Variants in DYM observed in about 807,000 individuals in gnomAD.
DYM encodes dyggve-Melchior-Clausen syndrome protein.
Under a neutral mutation model 93.1 loss-of-function variants are expected in DYM, and 78 were observed. That is an observed-to-expected ratio of 0.84 (90% CI 0.70 to 1.01). The LOEUF is 1.01. Ranked by LOEUF, DYM falls within the 50% of genes least tolerant of loss-of-function variation. The pLI, the probability that DYM is intolerant of heterozygous loss-of-function variation, is 0.00. For missense variants in DYM, 789 were observed against 845.0 expected, an observed-to-expected ratio of 0.93 and a Z score of 0.82; for synonymous variants, 321 against 319.7, an observed-to-expected ratio of 1.00 and a Z score of -0.04.
In DYM at chr18:49,209,716, CTG is replaced by C. The variant is rs1289959415; in HGVS notation, c.1461-3_1461-2del. On this transcript the variant is annotated splice_acceptor_variant and splice_polypyrimidine_tract_variant and intron_variant, in intron 13 of 17. Transcript: ENST00000675505. LOFTEE classifies it high-confidence loss of function. ...TCTCCGCAAGTGGCGGCAGGTATAACTGAAAGACAAAGGTAAAAGGAGAGAAA... is the reference window on the plus strand; with the variant it reads ...TCTCCGCAAGTGGCGGCAGGTATAACAAAGACAAAGGTAAAAGGAGAGAAA... The C allele has an allele frequency of 7.9e-7, 1 of 1,264,492 alleles. No homozygotes were observed. The highest frequency in any genetic ancestry group is 1.0e-6 in the Non-Finnish European group (1 of 974,710). 78.3% of individuals were successfully genotyped at this position (1,264,492 alleles called of 1,614,324 possible). A position where few individuals can be genotyped will look rare whatever the true frequency, so the allele number is the denominator to read the frequency against.
At chr18:49,234,022 G>A (rs1459893549) in intron 13 of DYM, among the ~76,000 whole-genome samples, 1 of 152,054 alleles carries the variant, frequency 6.6e-6, no homozygotes, top group Non-Finnish European at 1.5e-5. Context: ...CCAGCTACTC[G>A]GGAGGCTGAG....
chr18:49,389,005 A>C (rs1043303424), intron 3 of DYM, among the ~76,000 whole-genome samples: 2 of 151,932 alleles, frequency 1.3e-5, no homozygotes, highest in Non-Finnish European at 2.9e-5. Context: ...AACTAAGTAC[A>C]CTCACATAGC....
intron 13 of DYM, among the ~76,000 whole-genome samples, chr18:49,211,811 T>C (rs1183187311): frequency 6.6e-6 from 1 of 152,178 alleles, no homozygotes; most frequent in Non-Finnish European, 1.5e-5. Flanking sequence ...AAGCTGTTAA[T>C]CTCCAAAACA....
intron 8 of DYM, among the ~76,000 whole-genome samples, chr18:49,325,014 C>T (rs1008425798): frequency 6.6e-6 from 1 of 152,234 alleles, no homozygotes; most frequent in South Asian, 2.1e-4. Flanking sequence ...CTAGAACCCA[C>T]CCTTAGCCAC....
chr18:49,445,008 C>G (rs757367905), intron 1 of DYM, among the ~76,000 whole-genome samples: 1 of 151,982 alleles, frequency 6.6e-6, no homozygotes, highest in Non-Finnish European at 1.5e-5. Flanking sequence ...AATGTTATCC[C>G]CTCTCCTCCA....
At chr18:49,318,802 T>C (rs561837526) in intron 8 of DYM, among the ~76,000 whole-genome samples, 6 of 134,402 alleles carry the variant, frequency 4.5e-5, no homozygotes, top group East Asian at 2.1e-4. Context: ...TTTTTCTTTT[T>C]TTTTTTTTTT....
At chr18:49,059,933 A>C (rs1191944172) in intron 17 of DYM, among the ~76,000 whole-genome samples, 1 of 152,220 alleles carries the variant, frequency 6.6e-6, no homozygotes, top group African/African-American at 2.4e-5. Context: ...TTAAACAGGT[A>C]AGAACATTTT....
intron 1 of DYM, among the ~76,000 whole-genome samples, chr18:49,432,386 C>T (rs1600209196): frequency 7.0e-6 from 1 of 142,952 alleles, no homozygotes; most frequent in Non-Finnish European, 1.5e-5. Context: ...AAATTCCTAA[C>T]TTACAATAGT....
At chr18:49,133,023 A>T (rs138707689) in intron 15 of DYM, among the ~76,000 whole-genome samples, 8 of 152,340 alleles carry the variant, frequency 5.3e-5, no homozygotes, top group African/African-American at 1.9e-4. Context: ...CTGGTAGTTA[A>T]ACAATGTCTG....
chr18:49,250,804 C>T (rs917612567), intron 13 of DYM, among the ~76,000 whole-genome samples: 9 of 152,104 alleles, frequency 5.9e-5, no homozygotes, highest in South Asian at 2.1e-4. Context: ...CTAGATTCAG[C>T]GATATAGCTG....
At chr18:49,347,811 G>C (rs900428102) in intron 6 of DYM, among the ~76,000 whole-genome samples, 1 of 152,220 alleles carries the variant, frequency 6.6e-6, no homozygotes, top group African/African-American at 2.4e-5. Flanking sequence ...ACCATGCTGA[G>C]TGTGGTGGTT....
At chr18:49,202,251 G>A (rs2092054416) in intron 14 of DYM, among the ~76,000 whole-genome samples, 1 of 152,142 alleles carries the variant, frequency 6.6e-6, no homozygotes, top group Admixed American at 6.5e-5. Context: ...TGAGCCATTC[G>A]CGACCTTTTG....
At chr18:49,391,834 G>C (rs912049454) in intron 2 of DYM, among the ~76,000 whole-genome samples, 189 bp from the exon 3 acceptor site, 1 of 152,068 alleles carries the variant, frequency 6.6e-6, no homozygotes, top group Non-Finnish European at 1.5e-5. Flanking sequence ...GAAATTTACT[G>C]TATTTCTAAA....
intron 1 of DYM, among the ~76,000 whole-genome samples, chr18:49,440,298 C>A (rs2081226017): frequency 7.3e-6 from 1 of 136,738 alleles, no homozygotes; most frequent in Non-Finnish European, 1.5e-5. Flanking sequence ...ACACTCTATT[C>A]CAGAATCGCT....
chr18:49,214,871 C>T (rs955558249), intron 13 of DYM, among the ~76,000 whole-genome samples: 1 of 152,148 alleles, frequency 6.6e-6, no homozygotes, highest in South Asian at 2.1e-4. Flanking sequence ...TGGGTCTAGA[C>T]AGTGAGGATT....
At chr18:49,444,423 C>A (rs1185633635) in intron 1 of DYM, among the ~76,000 whole-genome samples, 1 of 152,048 alleles carries the variant, frequency 6.6e-6, no homozygotes, top group Non-Finnish European at 1.5e-5. Context: ...ATGAATTCAG[C>A]CTAAAGTTAG....
intron 2 of DYM, among the ~76,000 whole-genome samples, chr18:49,399,065 T>C (rs966904046): frequency 4.6e-5 from 7 of 152,208 alleles, no homozygotes; most frequent in Non-Finnish European, 1.0e-4. Context: ...CAGCAAATAG[T>C]GCTTGGGTGC....
intron 13 of DYM, among the ~76,000 whole-genome samples, chr18:49,215,679 C>T (rs1277078988): frequency 1.3e-5 from 2 of 152,092 alleles, no homozygotes; most frequent in Non-Finnish European, 2.9e-5. Flanking sequence ...TAAAGTTGAA[C>T]TAAAAAGAAA....
At chr18:49,119,016 T>C (rs2082152061) in intron 15 of DYM, 90 bp from the exon 16 acceptor site, 1 of 1,062,128 alleles carries the variant, frequency 9.4e-7, no homozygotes, top group East Asian at 2.5e-5. Context: ...CTCAAAATTA[T>C]AACAGCATTG....
Sources: allele counts gnomAD v4.1 joint callset (sites outside exome capture counted in the v4.1 genomes callset), GRCh38; gene constraint gnomAD v4.1.1; transcripts MANE v1.5; gene names NCBI Gene and HGNC (gene_info 2026-07-23, HGNC 2026-07-21).